The following BACE2 variants were observed in gnomAD, a reference collection of about 807,000 sequenced individuals.
BACE2 encodes the protein beta-secretase 2.
Under a neutral mutation model 46.2 loss-of-function variants are expected in BACE2, and 17 were observed. That is an observed-to-expected ratio of 0.37 (90% CI 0.25 to 0.55). BACE2 has a LOEUF of 0.55. BACE2 is among the 20% of genes least tolerant of loss of function. BACE2 has a pLI of 0.82. For synonymous variants in BACE2, 277 were observed against 295.9 expected (o/e 0.94, Z 0.66); for missense variants, 595 against 698.1 (o/e 0.85, Z 1.66).
At chr21:41,246,451 G>A (rs2837986) in intron 6 of BACE2, among the ~76,000 whole-genome samples, 35,603 of 152,034 alleles carry the variant, frequency 0.23, 4,280 homozygotes, top group African/African-American at 0.29. Flanking sequence ...TGCTAATATA[G>A]CTATGTTAGA....
At chr21:41,170,078 G>A (rs937216376) in intron 1 of BACE2, among the ~76,000 whole-genome samples, 2 of 152,150 alleles carry the variant, frequency 1.3e-5, no homozygotes, top group African/African-American at 2.4e-5. Context: ...GCTTTGATGC[G>A]AGGGAATTCT....
At chr21:41,216,639 T>A (rs1601277993) in intron 1 of BACE2, among the ~76,000 whole-genome samples, 1 of 152,156 alleles carries the variant, frequency 6.6e-6, no homozygotes, top group South Asian at 2.1e-4. Flanking sequence ...GAGGCTGCGG[T>A]GGAGCTTCAG....
At chr21:41,237,034 G>T (rs528670096) in intron 2 of BACE2, among the ~76,000 whole-genome samples, 2 of 152,336 alleles carry the variant, frequency 1.3e-5, no homozygotes, top group South Asian at 4.1e-4. Context: ...TGTTAACATT[G>T]ATGCTGTTCA....
intron 1 of BACE2, among the ~76,000 whole-genome samples, chr21:41,188,141 T>C (rs922927640): frequency 1.3e-5 from 2 of 152,146 alleles, no homozygotes; most frequent in African/African-American, 4.8e-5. Flanking sequence ...GAGAAGGCAG[T>C]GTCATTCAGA....
intron 1 of BACE2, among the ~76,000 whole-genome samples, chr21:41,202,540 C>T (rs1464600189): frequency 6.6e-6 from 1 of 152,228 alleles, no homozygotes; most frequent in African/African-American, 2.4e-5. Flanking sequence ...AAGTCCCTTT[C>T]ACTAGCTGTT....
Position 41,226,316 on chromosome 21 carries a change from C to T in BACE2, c.363C>T (p.Thr121=). The change falls in exon 2 of 9, where the codon ACC becomes ACT. Residue 121 remains threonine (T), a synonymous_variant. Transcript: ENST00000330333. ...GCAGTAACTTTGCCGTGGCAGGAAC[C>T]CCGCACTCCTACATAGACACGTACT... ...TGSSNFAVAG[T]PHSYIDTYFD... 1 of 1,614,096 alleles carries T rather than the reference C, an allele frequency of 6.2e-7. No homozygotes were observed. The highest frequency in any genetic ancestry group is 8.5e-7 in the Non-Finnish European group (1 of 1,180,014).
chr21:41,183,125 A>G (rs575098209), intron 1 of BACE2: 1 of 166,828 alleles, frequency 6.0e-6, no homozygotes, highest in African/African-American at 2.4e-5. Context: ...CACATTAAGC[A>G]TATCCCATTT....
At chr21:41,175,128 A>G (rs1984770487) in intron 1 of BACE2, 1 of 152,236 alleles carries the variant, frequency 6.6e-6, no homozygotes, top group African/African-American at 2.4e-5. Flanking sequence ...AATTCTCAAA[A>G]GAAGAGAGAA....
chr21:41,219,358 A>G (rs756768961), intron 1 of BACE2, among the ~76,000 whole-genome samples: 14 of 152,248 alleles, frequency 9.2e-5, no homozygotes, highest in Non-Finnish European at 1.9e-4. Flanking sequence ...TAAAGATGAA[A>G]AGAATAAAAG....
intron 1 of BACE2, among the ~76,000 whole-genome samples, chr21:41,211,464 G>A (rs980697004): frequency 2.6e-5 from 4 of 152,182 alleles, no homozygotes; most frequent in South Asian, 2.1e-4. Context: ...GAGAAATGGC[G>A]CATGACAATT....
At chr21:41,223,009 A>C (rs2123567788) in intron 1 of BACE2, among the ~76,000 whole-genome samples, 1 of 152,282 alleles carries the variant, frequency 6.6e-6, no homozygotes, top group East Asian at 1.9e-4. Context: ...GTCCCATCTC[A>C]AGATGTTTCC....
chr21:41,269,375 T>C (rs1292654538), intron 8 of BACE2, among the ~76,000 whole-genome samples: 2 of 152,222 alleles, frequency 1.3e-5, no homozygotes, highest in South Asian at 2.1e-4. Context: ...TGGTGTAAAA[T>C]AAACAGTTCA....
intron 1 of BACE2, among the ~76,000 whole-genome samples, chr21:41,224,488 C>T (rs1481135477): frequency 6.6e-6 from 1 of 152,170 alleles, no homozygotes; most frequent in Admixed American, 6.5e-5. Context: ...TGTGCCCATC[C>T]GATTTTGATT....
rs1420707197 is a variant in BACE2 at position 41,282,315 on chromosome 21, T to C, written c.*6691T>C. The C allele has an allele frequency of 6.6e-6, 1 of 152,240 alleles. No homozygotes were observed. The highest frequency in any genetic ancestry group is 1.5e-5 in the Non-Finnish European group (1 of 68,030). The allele number at this position is 152,240 out of a possible 1,614,324, so 9.4% of individuals were successfully genotyped here. On this transcript the variant is annotated 3_prime_UTR_variant, in exon 9 of 9. Transcript: ENST00000330333. ...AGCACGCTGATTTGATTTAAAAATG[T>C]AATAAGACCAAGAGTTGGAGTAAAG...
intron 1 of BACE2, chr21:41,183,894 GC>G (rs1568859129): frequency 6.0e-6 from 1 of 167,018 alleles, no homozygotes; most frequent in Non-Finnish European, 1.5e-5. Context: ...CCAGGGGTCA[GC>G]AAGTCAGGCA....
intron 1 of BACE2, among the ~76,000 whole-genome samples, chr21:41,197,698 G>T (rs1375749435): frequency 6.6e-6 from 1 of 151,998 alleles, no homozygotes; most frequent in Non-Finnish European, 1.5e-5. Context: ...CGGTTAGTTT[G>T]CTAGTTACTG....
chr21:41,232,260 G>A (rs1009361604), intron 2 of BACE2, among the ~76,000 whole-genome samples: 5 of 152,222 alleles, frequency 3.3e-5, no homozygotes, highest in South Asian at 2.1e-4. Flanking sequence ...GAACTCTGCC[G>A]TTTAGACACC....
Position 41,279,268 on chromosome 21 carries a change from T to A in BACE2, c.*3644T>A, listed in dbSNP as rs1458529612. On this transcript the variant is annotated 3_prime_UTR_variant, in exon 9 of 9. Coordinates refer to ENST00000330333, the MANE Select transcript of BACE2 (RefSeq NM_012105.5). ...AAGAATAAGAATATAATTAAAAGTA[T>A]GCTAACAAAATAAGCAGTACATATT... The A allele has an allele frequency of 6.6e-6, 1 of 152,182 alleles. No homozygotes were observed. The highest frequency in any genetic ancestry group is 1.5e-5 in the Non-Finnish European group (1 of 68,022). 9.4% of individuals were successfully genotyped at this position (152,182 alleles called of 1,614,324 possible).
chr21:41,189,194 T>TA (rs58968308), intron 1 of BACE2, among the ~76,000 whole-genome samples: 3,179 of 145,570 alleles, frequency 0.022, 60 homozygotes, highest in East Asian at 0.12. Context: ...TCTGGATCTT[T>TA]AAAAAAAAAA....
Sources: gnomAD v4.1 joint callset for allele counts (sites outside exome capture counted in the v4.1 genomes callset) on GRCh38, gnomAD v4.1.1 for gene constraint, MANE v1.5 for transcripts, NCBI Gene and HGNC (gene_info 2026-07-23, HGNC 2026-07-21) for gene names.